The following BTF3L4 variants were observed in gnomAD, a reference collection of about 807,000 sequenced individuals.
The protein encoded by BTF3L4 is transcription factor BTF3 homolog 4.
Under a neutral mutation model 16.8 loss-of-function variants are expected in BTF3L4, and 6 were observed. The observed-to-expected ratio is 0.36, with a 90% confidence interval of 0.20 to 0.71. The LOEUF (loss-of-function observed/expected upper bound fraction) is 0.71. Ranked by LOEUF, BTF3L4 falls within the 30% of genes least tolerant of loss-of-function variation. The pLI is 0.58. For synonymous variants in BTF3L4, 39 were observed against 59.8 expected, an observed-to-expected ratio of 0.65 and a Z score of 1.60; for missense variants, 92 against 186.9, an observed-to-expected ratio of 0.49 and a Z score of 2.96.
Position 52,073,493 on chromosome 1 carries a change from TACACACAC to T in BTF3L4, c.168+8585_168+8592del, listed in dbSNP as rs142147737. 5.7e-3 allele frequency among the ~76,000 whole-genome samples: 792 copies of T among 139,338 alleles called. 8 individuals carry two copies. The highest frequency in any genetic ancestry group is 0.016 in the African/African-American group (608 of 37,592). 91.4% of individuals were successfully genotyped at this position (139,338 alleles called of 152,430 possible). A position where few individuals can be genotyped will look rare whatever the true frequency, so the allele number is the denominator to read the frequency against. ...ATATATGCACTATATATATGCTACATACACACACACACACACACACACACACACACACA... is the reference window on the plus strand; with the variant it reads ...ATATATGCACTATATATATGCTACATACACACACACACACACACACACACA... On this transcript the variant is annotated intron_variant, in intron 3 of 5. Transcript: ENST00000313334.
chr1:52,089,574 C>T lies in BTF3L4; in HGVS notation c.*2816C>T, dbSNP rs770818897. The T allele has an allele frequency of 2.4e-4, 37 of 151,698 alleles. No individual in the cohort carries two copies. The highest frequency in any genetic ancestry group is 4.4e-4 in the Non-Finnish European group (30 of 67,948). 9.4% of individuals were successfully genotyped at this position (151,698 alleles called of 1,614,324 possible). A position where few individuals can be genotyped will look rare whatever the true frequency, so the allele number is the denominator to read the frequency against. On this transcript the variant is annotated 3_prime_UTR_variant, in exon 6 of 6. Transcript: ENST00000313334. ...CTTACTAAGATTAGGTATTTTTTGCCAAGATAACAATGATAAAAACATTTT... is the reference window on the plus strand; with the variant it reads ...CTTACTAAGATTAGGTATTTTTTGCTAAGATAACAATGATAAAAACATTTT...
intron 3 of BTF3L4, among the ~76,000 whole-genome samples, chr1:52,078,781 C>G (rs1472540457): frequency 6.6e-6 from 1 of 152,102 alleles, no homozygotes; most frequent in Non-Finnish European, 1.5e-5. Context: ...GTGGTTTGGA[C>G]TGGGGTCTCA....
chr1:52,085,838 C>G (rs766434110), intron 4 of BTF3L4, among the ~76,000 whole-genome samples: 2 of 152,002 alleles, frequency 1.3e-5, no homozygotes, highest in Non-Finnish European at 2.9e-5. Flanking sequence ...GAGTGAGACC[C>G]TGTCTCAAAA....
chr1:52,080,736 GC>G (rs1187685020), intron 3 of BTF3L4, among the ~76,000 whole-genome samples: 1 of 151,252 alleles, frequency 6.6e-6, no homozygotes, highest in East Asian at 1.9e-4. Flanking sequence ...GTTTCACCAT[GC>G]TGGCCAGACT....
intron 2 of BTF3L4, among the ~76,000 whole-genome samples, chr1:52,062,878 A>G (rs944552349): frequency 2.0e-5 from 3 of 152,216 alleles, no homozygotes; most frequent in Non-Finnish European, 4.4e-5. Context: ...ATCATCAGGC[A>G]TTAGTTAGAT....
At chr1:52,080,836 CTTT>C (rs34697464) in intron 3 of BTF3L4, among the ~76,000 whole-genome samples, 9 of 83,592 alleles carry the variant, frequency 1.1e-4, no homozygotes, top group South Asian at 4.7e-4. Context: ...GCTCGGCCTT[CTTT>C]TTTTTTTTTT....
chr1:52,060,669 A>G, intron 2 of BTF3L4: 1 of 1,037,702 alleles, frequency 9.6e-7, no homozygotes, highest in Non-Finnish European at 1.2e-6. Flanking sequence ...GGTAGGTAGG[A>G]CACTACTTTT....
At chr1:52,079,778 T>C (rs1643899476) in intron 3 of BTF3L4, among the ~76,000 whole-genome samples, 1 of 152,168 alleles carries the variant, frequency 6.6e-6, no homozygotes, top group Non-Finnish European at 1.5e-5. Context: ...TGTGTTGTTT[T>C]TCTTTTGTGT....
At chr1:52,083,273 T>G in intron 3 of BTF3L4, 67 bp from the exon 4 acceptor site, 1 of 1,402,152 alleles carries the variant, frequency 7.1e-7, no homozygotes, top group Non-Finnish European at 1.0e-6. Context: ...GCTGAATTGC[T>G]TTTTAAAAAT....
chr1:52,077,612 C>A (rs1245554944), intron 3 of BTF3L4, among the ~76,000 whole-genome samples: 1 of 151,918 alleles, frequency 6.6e-6, no homozygotes, highest in African/African-American at 2.4e-5. Flanking sequence ...CAGTTGGATT[C>A]AAAAAAAGTC....
At chr1:52,060,423 G>A in intron 2 of BTF3L4, 2 of 1,244,720 alleles carry the variant, frequency 1.6e-6, no homozygotes, top group Non-Finnish European at 2.1e-6. Flanking sequence ...TTTGTTCATT[G>A]CCAGGTTTTC....
chr1:52,057,105 T>G (rs1404756325), intron 1 of BTF3L4, among the ~76,000 whole-genome samples: 1 of 152,234 alleles, frequency 6.6e-6, no homozygotes, highest in Non-Finnish European at 1.5e-5. Flanking sequence ...TGTTATACCT[T>G]TCCAAATGCA....
At chr1:52,079,112 A>T (rs755268477) in intron 3 of BTF3L4, among the ~76,000 whole-genome samples, 2 of 152,210 alleles carry the variant, frequency 1.3e-5, no homozygotes, top group Non-Finnish European at 2.9e-5. Context: ...GAGGTGTCTA[A>T]CTGGTCTTGT....
At chr1:52,073,503 C>CACACAT (rs1686850348) in intron 3 of BTF3L4, among the ~76,000 whole-genome samples, 2 of 141,600 alleles carry the variant, frequency 1.4e-5, no homozygotes, top group African/African-American at 5.0e-5. Flanking sequence ...TACACACACA[C>CACACAT]ACACACACAC....
At chr1:52,060,424 C>A in intron 2 of BTF3L4, 2 of 1,247,372 alleles carry the variant, frequency 1.6e-6, no homozygotes, top group Non-Finnish European at 1.0e-6. Flanking sequence ...TTGTTCATTG[C>A]CAGGTTTTCC....
In BTF3L4 at chr1:52,085,799, C is replaced by T. The variant is rs369463250; in HGVS notation, c.371-313C>T. On this transcript the variant is annotated intron_variant, in intron 4 of 5. Transcript: ENST00000313334. ...GGTGGAGACTGTAGTGAGCCAAGAT[C>T]GCATCACTACACTCCAGCCTGGTCA... is the stretch of plus-strand genomic sequence containing the variant. Among the ~76,000 whole-genome samples the T allele has an allele frequency of 3.3e-5, 5 of 151,980 alleles. 1 individual carries two copies. The South Asian group carries it at 6.2e-4, about 19-fold the overall frequency.
chr1:52,073,493 T>TACACAC (rs142147737), intron 3 of BTF3L4, among the ~76,000 whole-genome samples: 3,510 of 139,300 alleles, frequency 0.025, 52 homozygotes, highest in South Asian at 0.054. Flanking sequence ...ATATGCTACA[T>TACACAC]ACACACACAC....
chr1:52,060,490 T>C (rs1686481974), intron 2 of BTF3L4: 3 of 1,268,250 alleles, frequency 2.4e-6, no homozygotes, highest in Non-Finnish European at 3.1e-6. Context: ...AGCTTTCTTA[T>C]TCCCTGTACT....
chr1:52,056,361 A>G lies in BTF3L4; in HGVS notation c.-32A>G. On this transcript the variant is annotated 5_prime_UTR_variant, in exon 1 of 6. Transcript: ENST00000313334. Reference sequence around the variant, plus strand: ...TTCTCTTGCCGCGTGCTGGTGTTGGAGGACCCTCCCTGCTTCAGGTGAGAC... The same window carrying G: ...TTCTCTTGCCGCGTGCTGGTGTTGGGGGACCCTCCCTGCTTCAGGTGAGAC... 6.4e-6 allele frequency: 1 copy of G among 155,516 alleles called. No homozygotes were observed. Among genetic ancestry groups the G allele is most frequent in the Non-Finnish European group, 1.4e-5 (1 of 69,646 alleles). 9.6% of individuals were successfully genotyped at this position (155,516 alleles called of 1,614,324 possible).
Sources: gnomAD v4.1 joint callset for allele counts (sites outside exome capture counted in the v4.1 genomes callset) on GRCh38, gnomAD v4.1.1 for gene constraint, MANE v1.5 for transcripts, NCBI Gene and HGNC (gene_info 2026-07-23, HGNC 2026-07-21) for gene names.